Variants in PRDM16 observed in about 807,000 individuals in gnomAD.
The protein encoded by PRDM16 is PR/SET domain 16, also known as histone-lysine N-methyltransferase PRDM16.
PRDM16 carries 23 observed loss-of-function variants against 110.6 expected under a neutral mutation model. The observed-to-expected ratio is 0.21, with a 90% CI of 0.15 to 0.29. The LOEUF (loss-of-function observed/expected upper bound fraction) is 0.29, where lower values mean the gene tolerates loss of function less well. Among genes scored for constraint, PRDM16 ranks in the 10% least tolerant of loss-of-function variants. PRDM16 has a pLI of 1.00. For missense variants in PRDM16, 1,615 were observed against 1,794.3 expected, an observed-to-expected ratio of 0.90 and a Z score of 1.81; for synonymous variants, 799 against 781.8, an observed-to-expected ratio of 1.02 and a Z score of -0.37.
intron 3 of PRDM16, among the ~76,000 whole-genome samples, chr1:3,383,693 T>G (rs1569634035): frequency 6.6e-6 from 1 of 150,550 alleles, no homozygotes; most frequent in African/African-American, 2.5e-5. Context: ...CCCGGGAGAG[T>G]GCATGCCGAG....
At chr1:3,270,865 G>A (rs1309612530) in intron 3 of PRDM16, among the ~76,000 whole-genome samples, 1 of 151,926 alleles carries the variant, frequency 6.6e-6, no homozygotes, top group African/African-American at 2.4e-5. Flanking sequence ...ACAGTGGGGA[G>A]GAGGACAGTC....
At chr1:3,207,536 C>T (rs1638781570) in intron 2 of PRDM16, 1 of 152,276 alleles carries the variant, frequency 6.6e-6, no homozygotes, top group Admixed American at 6.5e-5. Context: ...TTGCCCAGTT[C>T]TCTGGCCTCT....
chr1:3,363,508 C>T (rs1300661535), intron 3 of PRDM16, among the ~76,000 whole-genome samples: 1 of 152,144 alleles, frequency 6.6e-6, no homozygotes, highest in Non-Finnish European at 1.5e-5. Flanking sequence ...CTTCTCAGGC[C>T]CAGATCCTGC....
intron 3 of PRDM16, among the ~76,000 whole-genome samples, chr1:3,286,818 G>A (rs1289171098): frequency 6.6e-6 from 1 of 152,222 alleles, no homozygotes; most frequent in Admixed American, 6.5e-5. Context: ...GCCCAGCTCA[G>A]ATGCAAGAGG....
At chr1:3,098,841 T>C (rs1385499663) in intron 1 of PRDM16, among the ~76,000 whole-genome samples, 2 of 152,190 alleles carry the variant, frequency 1.3e-5, no homozygotes, top group African/African-American at 4.8e-5. Flanking sequence ...CCCACTGTCC[T>C]TAGCTGCCTG....
At chr1:3,169,054 C>G (rs184666743) in intron 1 of PRDM16, among the ~76,000 whole-genome samples, 2 of 152,196 alleles carry the variant, frequency 1.3e-5, no homozygotes, top group South Asian at 4.1e-4. Flanking sequence ...GAGGGACGTC[C>G]TGAGACCCTG....
At chr1:3,181,307 C>CGGCCTTACGCAT (rs1644171510) in intron 1 of PRDM16, among the ~76,000 whole-genome samples, 32 of 128,862 alleles carry the variant, frequency 2.5e-4, no homozygotes, top group Admixed American at 4.0e-4. Context: ...GTCTTACACA[C>CGGCCTTACGCAT]GGTCTTACAC....
intron 1 of PRDM16, among the ~76,000 whole-genome samples, chr1:3,145,882 G>A (rs149550172): frequency 1.4e-4 from 22 of 152,300 alleles, no homozygotes; most frequent in African/African-American, 4.3e-4. Context: ...CCAGCAGGTG[G>A]GCAGCCCGGT....
chr1:3,351,425 C>T (rs947118170), intron 3 of PRDM16, among the ~76,000 whole-genome samples: 9 of 151,522 alleles, frequency 5.9e-5, no homozygotes, highest in Non-Finnish European at 1.0e-4. Flanking sequence ...TCTATAGGAA[C>T]GCAGAGGGAG....
At chr1:3,304,172 T>C (rs757061797) in intron 3 of PRDM16, among the ~76,000 whole-genome samples, 4 of 147,170 alleles carry the variant, frequency 2.7e-5, no homozygotes, top group African/African-American at 5.0e-5. Flanking sequence ...GTGGGCTCTT[T>C]AATCCTTGGG....
intron 3 of PRDM16, among the ~76,000 whole-genome samples, chr1:3,305,057 A>T (rs4648378): frequency 0.46 from 70,355 of 151,966 alleles, 17,202 homozygotes; most frequent in Non-Finnish European, 0.53. Flanking sequence ...TGGTTGAGAA[A>T]CACACATGTG....
Position 3,245,435 on chromosome 1 carries a change from T to C in PRDM16, c.438+1298T>C, listed in dbSNP as rs998031520. ...CTCTCCAGGTTCAACCCCAGATACA[T>C]TGATTTTGGAGAAAGCATGGCAATG... On this transcript the variant is annotated intron_variant, in intron 3 of 16. Coordinates refer to ENST00000270722, the MANE Select transcript of PRDM16 (RefSeq NM_022114.4). The surrounding 1 kb of genome is among the most constrained non-coding windows in gnomAD (Gnocchi z 4.7). Among the ~76,000 whole-genome samples, 8 of 152,112 alleles carry C rather than the reference T, an allele frequency of 5.3e-5. No individual in the cohort carries two copies. Among genetic ancestry groups the C allele is most frequent in the Admixed American group, 2.6e-4 (4 of 15,270 alleles).
rs182926104 is a variant in PRDM16 at position 3,125,939 on chromosome 1, A to T, written c.37+56643A>T. ...ATGACAGGGGCATTAGAGGCCCGAGAGCAATTAACAGGCTGCTTAATTAGC... is the reference window on the plus strand; with the variant it reads ...ATGACAGGGGCATTAGAGGCCCGAGTGCAATTAACAGGCTGCTTAATTAGC... On this transcript the variant is annotated intron_variant, in intron 1 of 16. Coordinates refer to ENST00000270722, the MANE Select transcript of PRDM16 (RefSeq NM_022114.4). Among the ~76,000 whole-genome samples, 221 of 152,308 alleles carry T rather than the reference A, an allele frequency of 1.5e-3. 1 individual carries two copies. The highest frequency in any genetic ancestry group is 2.9e-3 in the Admixed American group (44 of 15,308).
chr1:3,230,387 C>A (rs1557544557), intron 2 of PRDM16, among the ~76,000 whole-genome samples: 1 of 152,332 alleles, frequency 6.6e-6, no homozygotes, highest in East Asian at 1.9e-4. Flanking sequence ...GTCATCCAGA[C>A]AAGAAGCTCA....
chr1:3,148,606 C>T lies in PRDM16; in HGVS notation c.38-37519C>T, dbSNP rs191923249. Among the ~76,000 whole-genome samples, 231 of 152,304 alleles carry T rather than the reference C, an allele frequency of 1.5e-3. No homozygotes were observed. Among genetic ancestry groups the T allele is most frequent in the African/African-American group, 5.5e-3 (228 of 41,566 alleles). On this transcript the variant is annotated intron_variant, in intron 1 of 16. Transcript: ENST00000270722. This position sits in a 1 kb window ranked among gnomAD's most constrained non-coding sequence, Gnocchi z 5.0. ...CAACTCCTTGCTGGGACCTCCTTGACGCTCACGGGGCTCAGATCCCATCTC... is the reference window on the plus strand; with the variant it reads ...CAACTCCTTGCTGGGACCTCCTTGATGCTCACGGGGCTCAGATCCCATCTC...
chr1:3,252,117 C>T (rs191282850), intron 3 of PRDM16, among the ~76,000 whole-genome samples: 8 of 152,330 alleles, frequency 5.3e-5, no homozygotes, highest in Non-Finnish European at 8.8e-5. Context: ...GGACCCTTCC[C>T]GAGGCCTGGC....
In PRDM16 at chr1:3,221,021, G is replaced by A. The variant is rs1002636340; in HGVS notation, c.388-23066G>A. 3.9e-5 allele frequency among the ~76,000 whole-genome samples: 6 copies of A among 152,350 alleles called. 1 individual carries two copies. In the East Asian group the frequency reaches 1.2e-3, roughly 29 times the overall value. ...AGAGGGAGACCCTGTCTGGGAGCAGGAGTCATGTTTACAACCCAGGGTGGT... is the reference window on the plus strand; with the variant it reads ...AGAGGGAGACCCTGTCTGGGAGCAGAAGTCATGTTTACAACCCAGGGTGGT... On this transcript the variant is annotated intron_variant, in intron 2 of 16. Coordinates refer to ENST00000270722, the MANE Select transcript of PRDM16 (RefSeq NM_022114.4).
intron 3 of PRDM16, among the ~76,000 whole-genome samples, chr1:3,343,225 A>G (rs1240828120): frequency 1.4e-5 from 2 of 147,702 alleles, no homozygotes; most frequent in Non-Finnish European, 3.0e-5. Flanking sequence ...TTGTGGATCT[A>G]GTATGCATTT....
intron 3 of PRDM16, among the ~76,000 whole-genome samples, chr1:3,326,271 C>T (rs774431070): frequency 4.6e-5 from 7 of 152,266 alleles, no homozygotes; most frequent in Non-Finnish European, 7.3e-5. Context: ...TTCACATGAG[C>T]ACTTCCCTGT....
Sources: allele counts gnomAD v4.1 joint callset (sites outside exome capture counted in the v4.1 genomes callset), GRCh38; gene constraint gnomAD v4.1.1; non-coding constraint Gnocchi (gnomAD v3.1); transcripts MANE v1.5; gene names NCBI Gene and HGNC (gene_info 2026-07-23, HGNC 2026-07-21).